KIZ: variants seen among roughly 807,000 people sequenced by gnomAD.
KIZ encodes centrosomal protein kizuna.
In KIZ, 68 loss-of-function variants were observed where a neutral mutation model predicts 79.6. The observed-to-expected ratio is 0.85, with a 90% CI of 0.70 to 1.05. The LOEUF is 1.05. KIZ is among the 50% of genes least tolerant of loss of function. The pLI, the probability that KIZ is intolerant of heterozygous loss-of-function variation, is 0.00. For synonymous variants in KIZ, 280 were observed against 281.8 expected (o/e 0.99, Z 0.06); for missense variants, 797 against 800.4 (o/e 1.00, Z 0.05).
chr20:21,141,817 ACACACACT>A (rs1474043294), intron 3 of KIZ, among the ~76,000 whole-genome samples: 74 of 139,546 alleles, frequency 5.3e-4, no homozygotes, highest in South Asian at 1.8e-3. Flanking sequence ...ACACACACAC[ACACACACT>A]CTCTCTCTCT....
chr20:21,127,043 G>A (rs1403088666), intron 1 of KIZ, among the ~76,000 whole-genome samples: 1 of 152,210 alleles, frequency 6.6e-6, no homozygotes, highest in Non-Finnish European at 1.5e-5. Context: ...GAACAGGAGA[G>A]CTGTGTGCGT....
chr20:21,225,240 T>C (rs2036621244), intron 9 of KIZ, among the ~76,000 whole-genome samples: 1 of 152,234 alleles, frequency 6.6e-6, no homozygotes, highest in Non-Finnish European at 1.5e-5. Context: ...GATTTGAGTA[T>C]ATAATCAATG....
At chr20:21,229,201 G>A in intron 10 of KIZ, 86 bp downstream of exon 10, 1 of 735,742 alleles carries the variant, frequency 1.4e-6, no homozygotes, top group Non-Finnish European at 2.3e-6. Context: ...CTTTATGAAG[G>A]TTTCTGGAGT....
At chr20:21,237,594 T>G (rs1318321458) in intron 11 of KIZ, among the ~76,000 whole-genome samples, 1 of 152,218 alleles carries the variant, frequency 6.6e-6, no homozygotes, top group Non-Finnish European at 1.5e-5. Flanking sequence ...TGCCCGCGTA[T>G]GACCCACTAT....
intron 3 of KIZ, among the ~76,000 whole-genome samples, chr20:21,141,274 AAT>A (rs1410021855): frequency 6.6e-6 from 1 of 152,062 alleles, no homozygotes; most frequent in Non-Finnish European, 1.5e-5. Flanking sequence ...GGAAATAAGG[AAT>A]ATCAGTAGGA....
intron 6 of KIZ, chr20:21,195,789 C>G (rs946267407): frequency 1.3e-5 from 2 of 152,226 alleles, no homozygotes; most frequent in African/African-American, 2.4e-5. Flanking sequence ...CTGAGAAGAT[C>G]TAGGTTCACT....
At chr20:21,229,565 T>G (rs569588044) in intron 10 of KIZ, among the ~76,000 whole-genome samples, 1 of 152,110 alleles carries the variant, frequency 6.6e-6, no homozygotes, top group African/African-American at 2.4e-5. Context: ...TATTTTATTT[T>G]ATTTTATTTT....
rs2035831814 is a variant in KIZ at position 21,206,437 on chromosome 20, T to C, written c.1446+853T>C. Among the ~76,000 whole-genome samples, 3 of 152,010 alleles carry C rather than the reference T, an allele frequency of 2.0e-5. No individual in the cohort carries two copies. In the South Asian group the frequency reaches 6.2e-4, roughly 32 times the overall value. The stretch of plus-strand genomic sequence containing the variant: ...GGGAGTACAGTGGCATGAGAGGTGA[T>C]CTTTAAAAGATAGGCTTTTGATGGT... On this transcript the variant is annotated intron_variant, in intron 7 of 12. Transcript: ENST00000619189.
intron 11 of KIZ, among the ~76,000 whole-genome samples, chr20:21,237,615 T>C (rs978517756): frequency 4.6e-5 from 7 of 152,158 alleles, no homozygotes; most frequent in African/African-American, 1.7e-4. Context: ...TTCATGTCCC[T>C]GGATTTTATT....
At chr20:21,134,277 G>T (rs536590809) in intron 2 of KIZ, among the ~76,000 whole-genome samples, 1 of 152,102 alleles carries the variant, frequency 6.6e-6, no homozygotes, top group African/African-American at 2.4e-5. Context: ...TGACTGAAAC[G>T]TCAGGCTCTT....
At chr20:21,187,529 T>TAGGCTTACTGTG (rs769565566) in intron 6 of KIZ, among the ~76,000 whole-genome samples, 8 of 152,204 alleles carry the variant, frequency 5.3e-5, no homozygotes, top group Non-Finnish European at 1.2e-4. Context: ...AGTAAGCCTA[T>TAGGCTTACTGTG]CCACCGTGCC....
chr20:21,223,818 C>T (rs1221061846), intron 9 of KIZ, among the ~76,000 whole-genome samples: 6 of 151,360 alleles, frequency 4.0e-5, no homozygotes, highest in Admixed American at 2.0e-4. Flanking sequence ...TACAGGCGCC[C>T]GCCACCATGC....
In KIZ at chr20:21,205,530, G is replaced by C; in HGVS notation, c.1392G>C (p.Gln464His). ...QTPDSDVPRA[Q>H]VGQHVATLKE... is the part of the protein sequence containing the mutation. ...CAGACTCAGACGTACCGAGGGCACA[G>C]GTGGGTCAGCATGTTGCCACCTTGA... Residue 464 changes from glutamine to histidine, a missense_variant, in exon 7 of 13, where the codon CAG becomes CAC. Coordinates refer to ENST00000619189, the MANE Select transcript of KIZ (RefSeq NM_018474.6). 6.4e-7 allele frequency: 1 copy of C among 1,571,606 alleles called. No homozygotes were observed. The highest frequency in any genetic ancestry group is 8.7e-7 in the Non-Finnish European group (1 of 1,151,176).
At chr20:21,177,398 A>T (rs2122872051) in intron 6 of KIZ, among the ~76,000 whole-genome samples, 1 of 152,218 alleles carries the variant, frequency 6.6e-6, no homozygotes, top group Middle Eastern at 3.4e-3. Context: ...AGAAATGTTT[A>T]TTCAGGTCTT....
intron 4 of KIZ, among the ~76,000 whole-genome samples, chr20:21,148,447 TTCA>T (rs1252654248): frequency 1.3e-5 from 2 of 152,184 alleles, no homozygotes; most frequent in African/African-American, 4.8e-5. Context: ...AGTTAGTCTG[TTCA>T]TCTGCCATGC....
Position 21,132,140 on chromosome 20 carries a change from A to G in KIZ, c.133A>G (p.Asn45Asp), listed in dbSNP as rs1465293252. 1.4e-6 allele frequency: 2 copies of G among 1,470,588 alleles called. No individual in the cohort carries two copies. Among genetic ancestry groups the G allele is most frequent in the Middle Eastern group, 1.8e-4 (1 of 5,446 alleles). 91.1% of individuals were successfully genotyped at this position (1,470,588 alleles called of 1,614,324 possible). ...CCTGGAAAAGAAACTTTATGAATAT[A>G]ATCAGTCTGATACATGCAGGTAAGA... is the stretch of plus-strand genomic sequence containing the variant. ...LDLEKKLYEY[N>D]QSDTCRVKLK... is the part of the protein sequence containing the mutation. Residue 45 changes from asparagine to aspartate, a missense_variant, in exon 2 of 13, where the codon AAT (asparagine) becomes GAT (aspartate). Coordinates refer to ENST00000619189, the MANE Select transcript of KIZ (RefSeq NM_018474.6).
chr20:21,128,783 C>A (rs149662964), intron 1 of KIZ, among the ~76,000 whole-genome samples: 1 of 152,218 alleles, frequency 6.6e-6, no homozygotes, highest in Non-Finnish European at 1.5e-5. Context: ...ATTAGCCAGC[C>A]GCGGTTTTTT....
At chr20:21,188,121 A>G (rs1163717050) in intron 6 of KIZ, among the ~76,000 whole-genome samples, 4 of 152,142 alleles carry the variant, frequency 2.6e-5, no homozygotes, top group Non-Finnish European at 4.4e-5. Flanking sequence ...CAGCCATAAA[A>G]CCTAAAAATA....
At chr20:21,204,441 AGGTTT>A (rs1173969717) in intron 6 of KIZ, among the ~76,000 whole-genome samples, 1 of 151,814 alleles carries the variant, frequency 6.6e-6, no homozygotes, top group Admixed American at 6.6e-5. Flanking sequence ...CTGAATCCAA[AGGTTT>A]ATATTTTTAT....
Sources: allele counts gnomAD v4.1 joint callset (sites outside exome capture counted in the v4.1 genomes callset), GRCh38; gene constraint gnomAD v4.1.1; transcripts MANE v1.5; gene names NCBI Gene and HGNC (gene_info 2026-07-23, HGNC 2026-07-21).